Variants in CMSS1 observed in about 807,000 individuals in gnomAD.
CMSS1 encodes the protein cms1 ribosomal small subunit homolog, also known as protein CMSS1.
In CMSS1, 33 loss-of-function variants were observed where a neutral mutation model predicts 43.5. The ratio of observed to expected loss-of-function variants is 0.76; its 90% CI spans 0.57 to 1.01. CMSS1 has a LOEUF of 1.01. CMSS1 is among the 50% of genes least tolerant of loss of function. The probability of loss-of-function intolerance (pLI) is 0.00; values close to 1 mark genes in which losing one functional copy is unlikely to be tolerated. For synonymous variants in CMSS1, 115 were observed against 117.2 expected, an observed-to-expected ratio of 0.98 and a Z score of 0.12; for missense variants, 313 against 326.4, an observed-to-expected ratio of 0.96 and a Z score of 0.32.
intron 1 of CMSS1, among the ~76,000 whole-genome samples, chr3:99,875,612 T>TATAA (rs1331577427): frequency 2.6e-5 from 4 of 152,236 alleles, no homozygotes; most frequent in African/African-American, 9.6e-5. Context: ...AACAGTGTTT[T>TATAA]TCTAGTCGTT....
intron 1 of CMSS1, among the ~76,000 whole-genome samples, chr3:99,966,517 A>C (rs1345260120): frequency 6.6e-6 from 1 of 152,196 alleles, no homozygotes; most frequent in African/African-American, 2.4e-5. Flanking sequence ...AATAGTACGG[A>C]GACTTAGACT....
intron 1 of CMSS1, among the ~76,000 whole-genome samples, chr3:99,967,034 T>A (rs768941239): frequency 3.3e-5 from 5 of 151,928 alleles, no homozygotes; most frequent in African/African-American, 4.8e-5. Flanking sequence ...TGAGAAGAAA[T>A]GATAAGAGAG....
chr3:100,038,979 A>G (rs1024826557), intron 1 of CMSS1, among the ~76,000 whole-genome samples: 1 of 152,212 alleles, frequency 6.6e-6, no homozygotes, highest in Non-Finnish European at 1.5e-5. Context: ...TGCACACACA[A>G]TATTGCTTGC....
chr3:99,982,498 G>A (rs1385779632), intron 1 of CMSS1, among the ~76,000 whole-genome samples: 4 of 151,826 alleles, frequency 2.6e-5, no homozygotes, highest in South Asian at 2.1e-4. Context: ...ATGCCACCAC[G>A]CCCAGCTAAT....
chr3:100,155,076 C>G (rs879431927), intron 2 of CMSS1, among the ~76,000 whole-genome samples: 5 of 152,178 alleles, frequency 3.3e-5, no homozygotes, highest in East Asian at 1.9e-4. Context: ...TTCTGCCTTA[C>G]AGTTTACACG....
chr3:99,970,984 G>A (rs1708796618), intron 1 of CMSS1, among the ~76,000 whole-genome samples: 1 of 152,208 alleles, frequency 6.6e-6, no homozygotes, highest in South Asian at 2.1e-4. Context: ...TGATTGAAGA[G>A]GAGGGGCTGT....
At chr3:99,842,849 A>G (rs901468186) in intron 1 of CMSS1, among the ~76,000 whole-genome samples, 2 of 152,180 alleles carry the variant, frequency 1.3e-5, no homozygotes, top group Non-Finnish European at 2.9e-5. Context: ...GTGTTAATTC[A>G]TTATCAAATT....
At chr3:99,855,644 T>C (rs768374942) in intron 1 of CMSS1, among the ~76,000 whole-genome samples, 1 of 152,214 alleles carries the variant, frequency 6.6e-6, no homozygotes, top group Non-Finnish European at 1.5e-5. Context: ...TCAAGAACAC[T>C]CTGAATGGAG....
At chr3:99,942,790 C>T (rs979972378) in intron 1 of CMSS1, among the ~76,000 whole-genome samples, 2 of 151,786 alleles carry the variant, frequency 1.3e-5, no homozygotes, top group African/African-American at 2.4e-5. Flanking sequence ...CACAGTGCCA[C>T]TGCACTCTAG....
chr3:100,004,222 G>A (rs1250231197), intron 1 of CMSS1, among the ~76,000 whole-genome samples: 1 of 152,132 alleles, frequency 6.6e-6, no homozygotes, highest in Non-Finnish European at 1.5e-5. Context: ...CAAGTAAAAT[G>A]CAGCTTCCGT....
chr3:99,823,934 T>C (rs562919769), intron 1 of CMSS1, among the ~76,000 whole-genome samples: 1 of 151,312 alleles, frequency 6.6e-6, no homozygotes. Flanking sequence ...TCTTTTTTTT[T>C]TTTTTTGAGC....
In CMSS1 at chr3:99,930,722, C is replaced by G. The variant is rs1295455704; in HGVS notation, c.64+112679C>G. On this transcript the variant is annotated intron_variant, in intron 1 of 9. Transcript: ENST00000421999. ...GCAGCAGGAACACCAAATTCACAAG[C>G]AGCCTTCTGTTTGAAGCATGATGGG... The G allele has an allele frequency of 8.8e-6, 14 of 1,597,196 alleles. No homozygotes were observed. In the Admixed American group the frequency reaches 2.4e-4, roughly 27 times the overall value.
At chr3:99,884,845 T>C (rs1035340002) in intron 1 of CMSS1, among the ~76,000 whole-genome samples, 1 of 152,250 alleles carries the variant, frequency 6.6e-6, no homozygotes, top group African/African-American at 2.4e-5. Flanking sequence ...GTTCTTGTAC[T>C]TTTGAAGCAG....
At chr3:100,052,134 C>G (rs967552982) in intron 1 of CMSS1, among the ~76,000 whole-genome samples, 20 of 152,088 alleles carry the variant, frequency 1.3e-4, no homozygotes, top group Admixed American at 3.3e-4. Context: ...AGTTCAGTTC[C>G]TTTAGAACTG....
At chr3:100,071,083 A>ACT (rs774189358) in intron 1 of CMSS1, among the ~76,000 whole-genome samples, 39 of 87,088 alleles carry the variant, frequency 4.5e-4, no homozygotes, top group African/African-American at 1.9e-3. Context: ...AAGAGAAGCT[A>ACT]CTCTCTCTTT....
intron 1 of CMSS1, among the ~76,000 whole-genome samples, chr3:99,972,596 C>T (rs1174999229): frequency 6.6e-6 from 1 of 152,148 alleles, no homozygotes; most frequent in African/African-American, 2.4e-5. Context: ...AATAACGGTT[C>T]ATGTTTCCAT....
At chr3:99,945,911 C>T (rs948809347) in intron 1 of CMSS1, among the ~76,000 whole-genome samples, 1 of 152,230 alleles carries the variant, frequency 6.6e-6, no homozygotes, top group African/African-American at 2.4e-5. Flanking sequence ...TTAGAAGTGC[C>T]ACACATGCTT....
chr3:100,088,328 C>T (rs62285472), intron 1 of CMSS1, among the ~76,000 whole-genome samples: 2,498 of 152,100 alleles, frequency 0.016, 31 homozygotes, highest in Non-Finnish European at 0.025. Context: ...TTCAGTGTAA[C>T]GCTCAGACAT....
chr3:100,176,467 G>A (rs2107534974), intron 9 of CMSS1, 52 bp downstream of exon 9: 2 of 1,188,592 alleles, frequency 1.7e-6, no homozygotes, highest in Non-Finnish European at 1.2e-6. Flanking sequence ...ATTTGAACTT[G>A]GTTCAAACAC....
Sources: gnomAD v4.1 joint callset for allele counts (sites outside exome capture counted in the v4.1 genomes callset) on GRCh38, gnomAD v4.1.1 for gene constraint, MANE v1.5 for transcripts, NCBI Gene and HGNC (gene_info 2026-07-23, HGNC 2026-07-21) for gene names.